PLCB1: variants seen among roughly 807,000 people sequenced by gnomAD.
PLCB1 encodes the protein 1-phosphatidylinositol 4,5-bisphosphate phosphodiesterase beta-1.
A neutral mutation model predicts 161.8 loss-of-function variants in PLCB1; 46 were observed. The observed-to-expected ratio is 0.28, with a 90% CI of 0.22 to 0.36. The LOEUF (loss-of-function observed/expected upper bound fraction) is 0.36, where lower values mean the gene tolerates loss of function less well. Among genes scored for constraint, PLCB1 ranks in the 10% least tolerant of loss-of-function variants. PLCB1 has a pLI of 1.00. For synonymous variants in PLCB1, 517 were observed against 503.7 expected, an observed-to-expected ratio of 1.03 and a Z score of -0.35; for missense variants, 1,016 against 1,472.5, an observed-to-expected ratio of 0.69 and a Z score of 5.07.
intron 2 of PLCB1, among the ~76,000 whole-genome samples, chr20:8,262,606 C>T (rs62195866): frequency 0.043 from 6,562 of 152,154 alleles, 186 homozygotes; most frequent in African/African-American, 0.081. Flanking sequence ...ATATGAATAC[C>T]CAGCTTCATT....
intron 3 of PLCB1, among the ~76,000 whole-genome samples, chr20:8,444,827 G>T (rs1013963926): frequency 4.0e-5 from 6 of 151,862 alleles, no homozygotes; most frequent in African/African-American, 1.2e-4. Context: ...TCATGTGTCT[G>T]TTGGCTGCAT....
intron 3 of PLCB1, among the ~76,000 whole-genome samples, chr20:8,612,584 C>T (rs1024753666): frequency 1.3e-5 from 2 of 152,186 alleles, no homozygotes; most frequent in Non-Finnish European, 2.9e-5. Context: ...GATTATCGCG[C>T]ATCCACTAAA....
intron 3 of PLCB1, among the ~76,000 whole-genome samples, chr20:8,382,908 T>A (rs552860213): frequency 3.9e-4 from 59 of 152,212 alleles, no homozygotes; most frequent in Non-Finnish European, 6.2e-4. Flanking sequence ...CAGACTGTTA[T>A]GATTTCAGTA....
At position 8,717,778 on chromosome 20, in the gene PLCB1, G is replaced by A. The variant is rs1038628707; in HGVS notation, c.1443G>A (p.Lys481=). 3.7e-6 allele frequency: 6 copies of A among 1,614,052 alleles called. 1 individual carries two copies. In the Middle Eastern group the frequency reaches 6.6e-4, roughly 178 times the overall value. ...CATCAGAAGGAAGCGGCAAAAAGAA[G>A]CTCTCAGAACAAGCCTCCAACACCT... ...HKSSEGSGKK[K]LSEQASNTYS... The change falls in exon 14 of 32, where the codon AAG becomes AAA. Residue 481 remains lysine (K), a synonymous_variant. Coordinates refer to ENST00000338037, the MANE Select transcript of PLCB1 (RefSeq NM_015192.4).
intron 17 of PLCB1, 29 bp from the exon 18 acceptor site, chr20:8,729,021 T>C (rs368369724): frequency 9.0e-6 from 13 of 1,451,996 alleles, no homozygotes; most frequent in Non-Finnish European, 1.0e-5. Flanking sequence ...TTTTTATAAT[T>C]GTATTCACTA....
chr20:8,622,772 G>T (rs1482609556), intron 3 of PLCB1, among the ~76,000 whole-genome samples: 5 of 152,064 alleles, frequency 3.3e-5, no homozygotes, highest in African/African-American at 1.2e-4. Flanking sequence ...TCTTTGATTG[G>T]GTCAGCTTCT....
intron 2 of PLCB1, among the ~76,000 whole-genome samples, chr20:8,310,917 C>G (rs1038401589): frequency 6.6e-6 from 1 of 152,146 alleles, no homozygotes; most frequent in Non-Finnish European, 1.5e-5. Flanking sequence ...TTTGTGGCTG[C>G]TGCATAGTAT....
intron 2 of PLCB1, among the ~76,000 whole-genome samples, chr20:8,270,344 T>C (rs2123261921): frequency 6.6e-6 from 1 of 152,244 alleles, no homozygotes; most frequent in African/African-American, 2.4e-5. Flanking sequence ...TCTTTTTGGT[T>C]CAAAAATATT....
At chr20:8,263,491 G>T (rs1457099874) in intron 2 of PLCB1, among the ~76,000 whole-genome samples, 12 of 152,090 alleles carry the variant, frequency 7.9e-5, no homozygotes, top group Non-Finnish European at 1.5e-5. Flanking sequence ...CATAAAAATT[G>T]CTAATTCTTT....
chr20:8,440,838 T>TTATA (rs139087766), intron 3 of PLCB1, among the ~76,000 whole-genome samples: 70 of 149,822 alleles, frequency 4.7e-4, no homozygotes, highest in African/African-American at 1.2e-3. Context: ...GTTTTTGATT[T>TTATA]TATATATATA....
chr20:8,530,220 AT>A (rs1275392001), intron 3 of PLCB1, among the ~76,000 whole-genome samples: 1 of 152,150 alleles, frequency 6.6e-6, no homozygotes, highest in Admixed American at 6.6e-5. Flanking sequence ...TTATTGACTC[AT>A]AAAGCATCTC....
chr20:8,356,735 A>C (rs1298250029), intron 2 of PLCB1, among the ~76,000 whole-genome samples: 1 of 152,124 alleles, frequency 6.6e-6, no homozygotes, highest in Admixed American at 6.5e-5. Context: ...GAAATTGAAA[A>C]CCCAAATAAG....
rs183489498 is a variant in PLCB1 at position 8,441,670 on chromosome 20, C to T, written c.246+70220C>T. On this transcript the variant is annotated intron_variant, in intron 3 of 31. Coordinates refer to ENST00000338037, the MANE Select transcript of PLCB1 (RefSeq NM_015192.4). The stretch of plus-strand genomic sequence containing the variant: ...GCAGGTGTGAAACATAAGCAGTGAC[C>T]GACCATAACAGACGATCTCTCAGAT... 2.2e-3 allele frequency among the ~76,000 whole-genome samples: 338 copies of T among 152,148 alleles called. 2 individuals carry two copies. The highest frequency in any genetic ancestry group is 7.5e-3 in the African/African-American group (312 of 41,516).
intron 2 of PLCB1, among the ~76,000 whole-genome samples, chr20:8,321,736 T>C (rs1163445077): frequency 6.6e-6 from 1 of 152,142 alleles, no homozygotes; most frequent in Non-Finnish European, 1.5e-5. Context: ...CCCAAATAAG[T>C]AAAAATCCCA....
chr20:8,501,848 T>C (rs182601435), intron 3 of PLCB1, among the ~76,000 whole-genome samples: 1 of 140,906 alleles, frequency 7.1e-6, no homozygotes, highest in African/African-American at 2.7e-5. Flanking sequence ...CTATTTTTTT[T>C]AAAAAAGATA....
chr20:8,816,897 A>G (rs1026342009), intron 31 of PLCB1, among the ~76,000 whole-genome samples: 1 of 152,160 alleles, frequency 6.6e-6, no homozygotes, highest in African/African-American at 2.4e-5. Context: ...CTTTCCTCTA[A>G]CTGTTCATCT....
At chr20:8,416,929 T>TACACACACACAC (rs56097941) in intron 3 of PLCB1, among the ~76,000 whole-genome samples, 5 of 126,400 alleles carry the variant, frequency 4.0e-5, no homozygotes, top group East Asian at 2.3e-4. Context: ...AGAGACAGAA[T>TACACACACACAC]ACACACACAC....
intron 2 of PLCB1, among the ~76,000 whole-genome samples, chr20:8,234,076 T>C (rs1186376908): frequency 6.6e-6 from 1 of 152,120 alleles, no homozygotes; most frequent in African/African-American, 2.4e-5. Flanking sequence ...AAATTTCTGC[T>C]TGGTGTGTGT....
chr20:8,612,180 G>A (rs1217439714), intron 3 of PLCB1, among the ~76,000 whole-genome samples: 1 of 151,902 alleles, frequency 6.6e-6, no homozygotes, highest in Non-Finnish European at 1.5e-5. Flanking sequence ...CATAACCCTG[G>A]TATAGAAAAT....
Sources: allele counts gnomAD v4.1 joint callset (sites outside exome capture counted in the v4.1 genomes callset), GRCh38; gene constraint gnomAD v4.1.1; transcripts MANE v1.5; gene names NCBI Gene and HGNC (gene_info 2026-07-23, HGNC 2026-07-21).